CACNA2D3: variants seen among roughly 807,000 people sequenced by gnomAD.
The protein encoded by CACNA2D3 is voltage-dependent calcium channel subunit alpha-2/delta-3.
A neutral mutation model predicts 160.6 loss-of-function variants in CACNA2D3; 60 were observed. The observed-to-expected ratio is 0.37, with a 90% confidence interval of 0.30 to 0.46. The LOEUF is 0.46. Ranked by LOEUF, CACNA2D3 falls within the 20% of genes least tolerant of loss-of-function variation. The pLI is 1.00. For synonymous variants in CACNA2D3, 558 were observed against 492.9 expected (o/e 1.13, Z -1.75); for missense variants, 1,205 against 1,365.0 (o/e 0.88, Z 1.85).
intron 4 of CACNA2D3, among the ~76,000 whole-genome samples, 192 bp downstream of exon 4, chr3:54,386,966 G>T (rs1270214895): frequency 6.6e-6 from 1 of 152,044 alleles, no homozygotes; most frequent in Admixed American, 6.6e-5. Context: ...AGTTATAATG[G>T]GTGATGTCAA....
At chr3:54,820,013 T>C (rs1703551135) in intron 14 of CACNA2D3, among the ~76,000 whole-genome samples, 1 of 152,146 alleles carries the variant, frequency 6.6e-6, no homozygotes, top group Non-Finnish European at 1.5e-5. Context: ...CCCATAGATT[T>C]CACTCATCTG....
intron 12 of CACNA2D3, among the ~76,000 whole-genome samples, chr3:54,759,480 C>CAA (rs79206974): frequency 2.5e-4 from 26 of 102,012 alleles, no homozygotes; most frequent in Admixed American, 7.0e-4. Flanking sequence ...ATTTAAAAAC[C>CAA]AAAAAAAAAA....
intron 2 of CACNA2D3, among the ~76,000 whole-genome samples, chr3:54,226,928 G>A (rs1231927478): frequency 2.6e-5 from 4 of 152,142 alleles, no homozygotes; most frequent in African/African-American, 4.8e-5. Flanking sequence ...GTTCTCAGTA[G>A]GAGTGTTTGT....
intron 27 of CACNA2D3, among the ~76,000 whole-genome samples, chr3:54,945,233 T>C (rs1367380126): frequency 6.6e-6 from 1 of 152,220 alleles, no homozygotes; most frequent in East Asian, 1.9e-4. Flanking sequence ...TTGGTGTCTG[T>C]GGCATGTGCA....
intron 3 of CACNA2D3, among the ~76,000 whole-genome samples, chr3:54,333,105 G>C (rs1309607044): frequency 6.6e-6 from 1 of 152,128 alleles, no homozygotes; most frequent in African/African-American, 2.4e-5. Flanking sequence ...TGGAGAGAGG[G>C]TTTGGAGAGG....
chr3:55,064,232 C>T (rs771017385), intron 35 of CACNA2D3, among the ~76,000 whole-genome samples: 5 of 152,252 alleles, frequency 3.3e-5, no homozygotes, highest in Non-Finnish European at 5.9e-5. Flanking sequence ...GGGGCACAGC[C>T]AGTCTACAAG....
chr3:54,359,883 T>C (rs1216659212), intron 3 of CACNA2D3, among the ~76,000 whole-genome samples: 2 of 152,216 alleles, frequency 1.3e-5, no homozygotes, highest in African/African-American at 4.8e-5. Flanking sequence ...TGGGGCCATC[T>C]AAGGTTTGGC....
intron 13 of CACNA2D3, among the ~76,000 whole-genome samples, chr3:54,793,194 A>G (rs1314018365): frequency 6.6e-6 from 1 of 152,242 alleles, no homozygotes; most frequent in Non-Finnish European, 1.5e-5. Context: ...AAGTTCAGTC[A>G]TCTTTCTAGG....
At chr3:54,465,268 C>T (rs1402870207) in intron 4 of CACNA2D3, among the ~76,000 whole-genome samples, 1 of 151,546 alleles carries the variant, frequency 6.6e-6, no homozygotes, top group African/African-American at 2.4e-5. Context: ...TATTGAATTT[C>T]CTGTTTGATT....
chr3:54,862,614 C>G (rs1358472184), intron 17 of CACNA2D3, among the ~76,000 whole-genome samples: 3 of 152,142 alleles, frequency 2.0e-5, no homozygotes, highest in Non-Finnish European at 4.4e-5. Flanking sequence ...AAGTTGAAGG[C>G]TCTCTCTGTT....
At chr3:54,863,085 G>A (rs1183293292) in intron 17 of CACNA2D3, among the ~76,000 whole-genome samples, 1 of 152,088 alleles carries the variant, frequency 6.6e-6, no homozygotes, top group African/African-American at 2.4e-5. Flanking sequence ...TTTTTACCCT[G>A]GATGTTCTAA....
intron 13 of CACNA2D3, among the ~76,000 whole-genome samples, chr3:54,805,100 GAAAGAT>G (rs548533046): frequency 2.0e-3 from 307 of 152,278 alleles, no homozygotes; most frequent in African/African-American, 7.0e-3. Context: ...GAGAAAGCAG[GAAAGAT>G]CCAAAATTGA....
intron 21 of CACNA2D3, among the ~76,000 whole-genome samples, chr3:54,881,454 G>A (rs1025398314): frequency 2.6e-5 from 4 of 152,150 alleles, no homozygotes; most frequent in African/African-American, 9.7e-5. Context: ...AAAGCACAGA[G>A]GCACAGTAAA....
chr3:54,285,725 GAC>G (rs930802324), intron 2 of CACNA2D3, among the ~76,000 whole-genome samples: 9 of 152,168 alleles, frequency 5.9e-5, no homozygotes, highest in African/African-American at 2.2e-4. Flanking sequence ...ACTCCTCTGA[GAC>G]AAAACTTCCA....
At chr3:54,388,836 G>A (rs1252204269) in intron 4 of CACNA2D3, among the ~76,000 whole-genome samples, 2 of 152,204 alleles carry the variant, frequency 1.3e-5, no homozygotes, top group East Asian at 3.9e-4. Context: ...GACCTCTTGA[G>A]TGCAATGCCC....
intron 11 of CACNA2D3, among the ~76,000 whole-genome samples, chr3:54,742,826 A>G (rs957851761): frequency 3.9e-5 from 6 of 152,242 alleles, no homozygotes; most frequent in African/African-American, 1.4e-4. Flanking sequence ...TCTTCCATCC[A>G]TGGGAGGCCT....
intron 9 of CACNA2D3, among the ~76,000 whole-genome samples, chr3:54,585,431 A>T (rs772080301): frequency 1.3e-5 from 2 of 152,232 alleles, no homozygotes; most frequent in Non-Finnish European, 2.9e-5. Context: ...CAGAGGAATT[A>T]GAAAGAGGAT....
chr3:54,141,061 C>CTGTGTGTGTGTGTGTTTG (rs369325773), intron 2 of CACNA2D3, among the ~76,000 whole-genome samples: 1 of 129,480 alleles, frequency 7.7e-6, no homozygotes, highest in African/African-American at 3.1e-5. Flanking sequence ...CAGGTGAAAC[C>CTGTGTGTGTGTGTGTTTG]TGTGTGTGTG....
intron 5 of CACNA2D3, among the ~76,000 whole-genome samples, chr3:54,537,078 A>T (rs1701901098): frequency 6.7e-6 from 1 of 148,436 alleles, no homozygotes; most frequent in Middle Eastern, 3.5e-3. Flanking sequence ...CTTTTTACAG[A>T]TAAGGAAACC....
Sources: allele counts gnomAD v4.1 joint callset (sites outside exome capture counted in the v4.1 genomes callset), GRCh38; gene constraint gnomAD v4.1.1; transcripts MANE v1.5; gene names NCBI Gene and HGNC (gene_info 2026-07-23, HGNC 2026-07-21).